Variants in ANO3 observed in about 807,000 individuals in gnomAD.
The protein encoded by ANO3 is anoctamin-3.
In ANO3, 99 loss-of-function variants were observed where a neutral mutation model predicts 144.8. That is an observed-to-expected ratio of 0.68 (90% CI 0.58 to 0.81). ANO3 has a LOEUF of 0.81. ANO3 is among the 30% of genes least tolerant of loss of function. ANO3 has a pLI of 0.00. For synonymous variants in ANO3, 414 were observed against 392.6 expected (o/e 1.05, Z -0.64); for missense variants, 905 against 1,202.2 (o/e 0.75, Z 3.66).
chr11:26,527,204 T>A (rs966502906), intron 7 of ANO3, among the ~76,000 whole-genome samples: 2 of 152,140 alleles, frequency 1.3e-5, no homozygotes, highest in Non-Finnish European at 2.9e-5. Context: ...TTTTTAATAA[T>A]GTAAAAAATG....
intron 4 of ANO3, among the ~76,000 whole-genome samples, chr11:26,488,796 G>T (rs1222789947): frequency 6.6e-6 from 1 of 152,148 alleles, no homozygotes; most frequent in Non-Finnish European, 1.5e-5. Flanking sequence ...AAAGAACAAA[G>T]CTTCCACAGC....
chr11:26,656,260 C>A (rs1219285857), intron 25 of ANO3, 55 bp downstream of exon 25: 1 of 1,528,628 alleles, frequency 6.5e-7, no homozygotes, highest in Non-Finnish European at 9.1e-7. Context: ...GTACTCCCCC[C>A]TGCATGTTAA....
chr11:26,303,429 C>T (rs531458261), intron 1 of ANO3, among the ~76,000 whole-genome samples: 4 of 152,222 alleles, frequency 2.6e-5, no homozygotes, highest in African/African-American at 9.6e-5. Flanking sequence ...TTATCCTGAG[C>T]GAACTAATGC....
intron 16 of ANO3, 136 bp downstream of exon 16, chr11:26,599,134 T>A: frequency 2.2e-6 from 2 of 909,876 alleles, no homozygotes; most frequent in Non-Finnish European, 3.4e-6. Context: ...CACGTACAAT[T>A]AAACAAACAA....
intron 1 of ANO3, among the ~76,000 whole-genome samples, chr11:26,208,732 C>T (rs543153139): frequency 3.3e-5 from 5 of 152,092 alleles, no homozygotes; most frequent in South Asian, 4.2e-4. Context: ...ATTTTTAGCC[C>T]TCATTGACAG....
intron 17 of ANO3, among the ~76,000 whole-genome samples, chr11:26,618,432 G>A (rs12418283): frequency 0.12 from 18,014 of 151,960 alleles, 1,283 homozygotes; most frequent in African/African-American, 0.2. Context: ...TTTTAGCTTG[G>A]ACTGTTGCAG....
At chr11:26,446,428 T>G (rs951083514) in intron 3 of ANO3, among the ~76,000 whole-genome samples, 5 of 152,162 alleles carry the variant, frequency 3.3e-5, no homozygotes, top group African/African-American at 1.2e-4. Flanking sequence ...AGCTGCCCCA[T>G]GAGAATATTA....
intron 24 of ANO3, among the ~76,000 whole-genome samples, chr11:26,653,814 AC>A (rs2133090033): frequency 6.6e-6 from 1 of 152,110 alleles, no homozygotes; most frequent in South Asian, 2.1e-4. Context: ...GAAATTTTAA[AC>A]CCCTAATTCC....
At chr11:26,382,626 C>T (rs866793396) in intron 1 of ANO3, among the ~76,000 whole-genome samples, 4 of 152,284 alleles carry the variant, frequency 2.6e-5, no homozygotes, top group South Asian at 4.1e-4. Context: ...GTCATCATGT[C>T]TCACAAATTA....
rs545016540 is a variant in ANO3, at chr11:26,388,367, A to G, written c.47-53551A>G. 1.4e-4 allele frequency among the ~76,000 whole-genome samples: 21 copies of G among 152,194 alleles called. No individual in the cohort carries two copies. In the East Asian group the frequency reaches 3.9e-3, roughly 28 times the overall value. On this transcript the variant is annotated intron_variant, in intron 1 of 26. Coordinates refer to ENST00000256737, the MANE Select transcript of ANO3 (RefSeq NM_031418.4). ...GACTGTAAGTCCTTTATGGATAACAAAAATGTTGTGTATGCTTACTGTCTT... is the reference window on the plus strand; with the variant it reads ...GACTGTAAGTCCTTTATGGATAACAGAAATGTTGTGTATGCTTACTGTCTT...
chr11:26,200,099 A>G (rs910283146), intron 1 of ANO3, among the ~76,000 whole-genome samples: 2 of 152,168 alleles, frequency 1.3e-5, no homozygotes, highest in African/African-American at 4.8e-5. Context: ...GGTATTGTCA[A>G]AAATGACCTG....
intron 4 of ANO3, among the ~76,000 whole-genome samples, chr11:26,486,244 T>G (rs1302974867): frequency 2.0e-5 from 3 of 151,018 alleles, no homozygotes; most frequent in Non-Finnish European, 4.4e-5. Context: ...ACCTGTAGTT[T>G]CAGCTACTCG....
In ANO3 at chr11:26,463,046, G is replaced by A. The variant is rs370654138; in HGVS notation, c.330G>A (p.Lys110=). 9.5e-6 allele frequency: 15 copies of A among 1,574,638 alleles called. No individual in the cohort carries two copies. The African/African-American group carries it at 1.2e-4, about 13-fold the overall frequency. The change falls in exon 4 of 27, where the codon AAG becomes AAA. Residue 110 remains lysine, a synonymous_variant. Transcript: ENST00000256737. Reference sequence around the variant, plus strand: ...CTTTTATAGCCCTAGGAAAAGATAAGGATTACACGGATGAATCAGAACACG... The same window carrying A: ...CTTTTATAGCCCTAGGAAAAGATAAAGATTACACGGATGAATCAGAACACG... ...SDFCLALGKD[K]DYTDESEHAT...
intron 1 of ANO3, among the ~76,000 whole-genome samples, chr11:26,394,287 C>A (rs1338126407): frequency 2.6e-5 from 4 of 151,956 alleles, no homozygotes; most frequent in African/African-American, 9.7e-5. Flanking sequence ...GAACTGAAAA[C>A]AATTTAAAAA....
chr11:26,227,888 G>A (rs769014155), intron 1 of ANO3, among the ~76,000 whole-genome samples: 51 of 152,032 alleles, frequency 3.4e-4, no homozygotes, highest in Non-Finnish European at 6.2e-4. Flanking sequence ...AATTATACAA[G>A]CAATGTTGTG....
At chr11:26,393,260 C>T (rs1467750690) in intron 1 of ANO3, among the ~76,000 whole-genome samples, 1 of 152,090 alleles carries the variant, frequency 6.6e-6, no homozygotes, top group East Asian at 1.9e-4. Context: ...CAGTCCTCAT[C>T]TTGACCTGCT....
Position 26,660,464 on chromosome 11 carries a change from A to T in ANO3, c.*20A>T, listed in dbSNP as rs1183307985. On this transcript the variant is annotated 3_prime_UTR_variant, in exon 27 of 27. Coordinates refer to ENST00000256737, the MANE Select transcript of ANO3 (RefSeq NM_031418.4). ...CCTTAGTTGACACCTGTTACCCATT[A>T]GGGGTGATAACATTAATGGGAAGAA... The T allele has an allele frequency of 3.8e-6, 6 of 1,582,274 alleles. No homozygotes were observed. In the South Asian group the frequency reaches 7.1e-5, roughly 19 times the overall value.
chr11:26,561,861 T>G (rs780100736), intron 14 of ANO3, among the ~76,000 whole-genome samples: 49 of 151,952 alleles, frequency 3.2e-4, no homozygotes, highest in Non-Finnish European at 6.6e-4. Flanking sequence ...GACATGCTCT[T>G]GGTATCTTAA....
At chr11:26,442,503 A>G (rs1858555563) in intron 2 of ANO3, among the ~76,000 whole-genome samples, 3 of 152,244 alleles carry the variant, frequency 2.0e-5, no homozygotes, top group Admixed American at 2.0e-4. Context: ...AGACTTTACA[A>G]CTGACAATAA....
Sources: allele counts gnomAD v4.1 joint callset (sites outside exome capture counted in the v4.1 genomes callset), GRCh38; gene constraint gnomAD v4.1.1; transcripts MANE v1.5; gene names NCBI Gene and HGNC (gene_info 2026-07-23, HGNC 2026-07-21).